CLUAP1: variants seen among roughly 807,000 people sequenced by gnomAD.
The protein encoded by CLUAP1 is intraflagellar transport 38, also known as clusterin-associated protein 1.
Under a neutral mutation model 55.0 loss-of-function variants are expected in CLUAP1, and 50 were observed. The observed-to-expected ratio is 0.91, with a 90% CI of 0.72 to 1.15. The LOEUF (loss-of-function observed/expected upper bound fraction) is 1.15. Ranked by LOEUF, CLUAP1 falls within the 50% of genes most tolerant of loss-of-function variation. The pLI is 0.00. For missense variants in CLUAP1, 530 were observed against 507.6 expected (o/e 1.04, Z -0.42); for synonymous variants, 195 against 175.4 (o/e 1.11, Z -0.88).
rs573057406 is a variant in CLUAP1 at position 3,510,425 on chromosome 16, G to A, written c.399+1957G>A. On this transcript the variant is annotated intron_variant, in intron 4 of 11. Coordinates refer to ENST00000576634, the MANE Select transcript of CLUAP1 (RefSeq NM_015041.3). ...GCTGGGATTATAGGCGTGAGCCACC[G>A]CGCCTGTCCTCACATGTGGGTTTTT... Among the ~76,000 whole-genome samples the A allele has an allele frequency of 9.2e-5, 14 of 152,152 alleles. No homozygotes were observed. The East Asian group carries it at 2.1e-3, about 23-fold the overall frequency.
At chr16:3,503,312 G>A (rs1431232193) in intron 1 of CLUAP1, among the ~76,000 whole-genome samples, 3 of 152,156 alleles carry the variant, frequency 2.0e-5, no homozygotes, top group African/African-American at 7.2e-5. Context: ...ACAGGTGCCC[G>A]CCACCACACC....
intron 7 of CLUAP1, 60 bp from the exon 8 acceptor site, chr16:3,523,098 C>T (rs2037872456): frequency 7.2e-7 from 1 of 1,397,914 alleles, no homozygotes; most frequent in East Asian, 2.5e-5. Flanking sequence ...ACTGTGAATA[C>T]CCATTTCAAA....
chr16:3,533,958 A>C (rs1331401416), intron 11 of CLUAP1: 2 of 152,244 alleles, frequency 1.3e-5, no homozygotes, highest in Non-Finnish European at 2.9e-5. Flanking sequence ...CATTAGTCGC[A>C]GCTGAGCTTT....
intron 10 of CLUAP1, among the ~76,000 whole-genome samples, chr16:3,531,582 G>A (rs766129411): frequency 6.6e-6 from 1 of 152,048 alleles, no homozygotes; most frequent in Non-Finnish European, 1.5e-5. Flanking sequence ...TAGAGCAAAT[G>A]TGAATTCTCT....
chr16:3,521,534 A>G (rs1346688637), intron 7 of CLUAP1, among the ~76,000 whole-genome samples: 2 of 151,226 alleles, frequency 1.3e-5, no homozygotes, highest in Non-Finnish European at 2.9e-5. Context: ...TCCCGGATTC[A>G]AGCGATTCTC....
intron 3 of CLUAP1, among the ~76,000 whole-genome samples, chr16:3,507,040 C>T (rs1175888097): frequency 2.0e-5 from 3 of 151,212 alleles, no homozygotes; most frequent in African/African-American, 7.3e-5. Flanking sequence ...AGTAAAAATA[C>T]AAAAAATTAG....
intron 8 of CLUAP1, among the ~76,000 whole-genome samples, chr16:3,525,110 T>C (rs189230808): frequency 5.3e-4 from 81 of 152,312 alleles, no homozygotes; most frequent in Non-Finnish European, 1.1e-3. Flanking sequence ...GAGGAATTCA[T>C]TGCTAGCATT....
chr16:3,531,259 G>T (rs1464879654), intron 10 of CLUAP1, among the ~76,000 whole-genome samples: 5 of 152,158 alleles, frequency 3.3e-5, no homozygotes, highest in African/African-American at 9.7e-5. Context: ...GGTGGCTCAC[G>T]CCTGTAATCC....
intron 4 of CLUAP1, among the ~76,000 whole-genome samples, chr16:3,509,465 G>C (rs1257641867): frequency 6.6e-6 from 1 of 152,250 alleles, no homozygotes; most frequent in African/African-American, 2.4e-5. Flanking sequence ...TCAGACCGAA[G>C]CAGGCGGCAG....
At chr16:3,514,208 G>C (rs988626206) in intron 5 of CLUAP1, among the ~76,000 whole-genome samples, 1 of 152,168 alleles carries the variant, frequency 6.6e-6, no homozygotes, top group Non-Finnish European at 1.5e-5. Flanking sequence ...GCATCATTGT[G>C]AGACTTCATT....
chr16:3,512,603 G>T, intron 5 of CLUAP1, 125 bp downstream of exon 5: 1 of 693,898 alleles, frequency 1.4e-6, no homozygotes, highest in Non-Finnish European at 2.5e-6. Flanking sequence ...CTAATGTGTG[G>T]AAAGGTGATA....
intron 5 of CLUAP1, among the ~76,000 whole-genome samples, chr16:3,514,519 G>A (rs778069365): frequency 1.3e-5 from 2 of 152,156 alleles, no homozygotes; most frequent in Admixed American, 6.5e-5. Context: ...AGCACAAGAC[G>A]AGTTTTGACA....
At chr16:3,498,681 A>C (rs1162338155), upstream of CLUAP1, among the ~76,000 whole-genome samples, 2 of 152,060 alleles carry the variant, frequency 1.3e-5, no homozygotes, top group African/African-American at 4.8e-5. Flanking sequence ...AACACGGTGA[A>C]AGCCCGTCTC....
At chr16:3,500,198 C>T (rs952773067), upstream of CLUAP1, among the ~76,000 whole-genome samples, 1 of 152,150 alleles carries the variant, frequency 6.6e-6, no homozygotes, top group Non-Finnish European at 1.5e-5. Flanking sequence ...GGCTCAGGGC[C>T]CCTTTCCGGC....
rs377448455 is a variant in CLUAP1 at position 3,536,187 on chromosome 16, C to G, written c.1158C>G (p.Asp386Glu). The part of the protein sequence containing the change: ...DDDDEDDDLE[D>E]ESISLSPTKP... ...ATGACGAGGATGACGATTTGGAAGA[C>G]GAGAGCATTTCTCTCTCACCAACCA... Residue 386 changes from aspartate (D) to glutamate (E), a missense_variant, in exon 12 of 12, where the codon GAC (aspartate) becomes GAG (glutamate). Asp to Glu is a conservative substitution (Grantham distance 45). Coordinates refer to ENST00000576634, the MANE Select transcript of CLUAP1 (RefSeq NM_015041.3). 3.7e-6 allele frequency: 6 copies of G among 1,614,102 alleles called. No homozygotes were observed. The South Asian group carries it at 4.4e-5, about 12-fold the overall frequency.
chr16:3,507,766 A>T (rs996289488), intron 3 of CLUAP1, among the ~76,000 whole-genome samples: 2 of 150,860 alleles, frequency 1.3e-5, no homozygotes, highest in African/African-American at 4.9e-5. Flanking sequence ...ATGGTACTGT[A>T]TTCTACTTGA....
chr16:3,513,500 A>C (rs1316659041), intron 5 of CLUAP1, among the ~76,000 whole-genome samples: 1 of 152,022 alleles, frequency 6.6e-6, no homozygotes, highest in East Asian at 1.9e-4. Context: ...CCCAGGCTGG[A>C]GTGCGGTGGC....
At chr16:3,498,899 A>C (rs528007559), upstream of CLUAP1, among the ~76,000 whole-genome samples, 15 of 151,424 alleles carry the variant, frequency 9.9e-5, no homozygotes, top group South Asian at 1.0e-3. Flanking sequence ...ACAACAACAA[A>C]AAAAAGTGAA....
At chr16:3,509,192 C>G (rs1266456067) in intron 4 of CLUAP1, among the ~76,000 whole-genome samples, 1 of 152,132 alleles carries the variant, frequency 6.6e-6, no homozygotes, top group East Asian at 1.9e-4. Context: ...CCCAGGCAGT[C>G]AAGCCATGTT....
Sources: allele counts gnomAD v4.1 joint callset (sites outside exome capture counted in the v4.1 genomes callset), GRCh38; gene constraint gnomAD v4.1.1; transcripts MANE v1.5; gene names NCBI Gene and HGNC (gene_info 2026-07-23, HGNC 2026-07-21).